ADARB2: variants seen among roughly 807,000 people sequenced by gnomAD.
ADARB2 encodes adenosine deaminase RNA specific B2 (inactive).
In ADARB2, 25 loss-of-function variants were observed where a neutral mutation model predicts 62.2. That is an observed-to-expected ratio of 0.40 (90% CI 0.29 to 0.56). The LOEUF (loss-of-function observed/expected upper bound fraction) is 0.56, where lower values mean the gene tolerates loss of function less well. Among genes scored for constraint, ADARB2 ranks in the 20% least tolerant of loss-of-function variants. The probability of loss-of-function intolerance (pLI) is 0.43; values close to 1 mark genes in which losing one functional copy is unlikely to be tolerated. For synonymous variants in ADARB2, 572 were observed against 500.8 expected, an observed-to-expected ratio of 1.14 and a Z score of -1.90; for missense variants, 1,071 against 1,077.4, an observed-to-expected ratio of 0.99 and a Z score of 0.08.
At chr10:1,350,398 C>G (rs1321700877) in intron 3 of ADARB2, among the ~76,000 whole-genome samples, 1 of 152,046 alleles carries the variant, frequency 6.6e-6, no homozygotes, top group Non-Finnish European at 1.5e-5. Flanking sequence ...GGCTGCTCCT[C>G]GCCAGACCGA....
chr10:1,307,315 A>C, intron 3 of ADARB2, among the ~76,000 whole-genome samples: 1 of 113,034 alleles, frequency 8.8e-6, no homozygotes, highest in Non-Finnish European at 2.0e-5. Flanking sequence ...TGCAGCCAAA[A>C]AACACATGAA....
chr10:1,718,730 C>A (rs1368309844), intron 1 of ADARB2, among the ~76,000 whole-genome samples: 4 of 152,002 alleles, frequency 2.6e-5, no homozygotes, highest in African/African-American at 9.7e-5. Context: ...AGAGGCCAGG[C>A]CCCCAGGTTG....
chr10:1,614,370 A>G (rs1452423855), intron 1 of ADARB2, among the ~76,000 whole-genome samples: 2 of 152,230 alleles, frequency 1.3e-5, no homozygotes, highest in Admixed American at 1.3e-4. Flanking sequence ...TGGCTACATC[A>G]GCCTGGGTTT....
intron 3 of ADARB2, among the ~76,000 whole-genome samples, chr10:1,295,236 G>A (rs894911416): frequency 1.3e-5 from 2 of 152,190 alleles, no homozygotes; most frequent in Non-Finnish European, 1.5e-5. Flanking sequence ...GTGTGAATGT[G>A]ACATGGGATG....
chr10:1,332,558 T>G (rs1367025342), intron 3 of ADARB2, among the ~76,000 whole-genome samples: 1 of 150,392 alleles, frequency 6.6e-6, no homozygotes, highest in Non-Finnish European at 1.5e-5. Context: ...GAATGGCATA[T>G]TTTTGATATT....
intron 1 of ADARB2, among the ~76,000 whole-genome samples, chr10:1,544,505 C>A (rs911963844): frequency 2.0e-5 from 3 of 152,158 alleles, no homozygotes; most frequent in African/African-American, 4.8e-5. Flanking sequence ...CCAGAGGACC[C>A]AGCCAGAGTC....
intron 1 of ADARB2, among the ~76,000 whole-genome samples, chr10:1,510,098 T>TCTTTCTCTCTTTCTC (rs1278546139): frequency 7.4e-5 from 9 of 121,248 alleles, no homozygotes; most frequent in Admixed American, 7.2e-4. Context: ...TCTCTCTCTT[T>TCTTTCTCTCTTTCTC]TCTTTCTTTC....
At chr10:1,377,510 GTGTT>G (rs1262724674) in intron 2 of ADARB2, among the ~76,000 whole-genome samples, 4 of 150,482 alleles carry the variant, frequency 2.7e-5, no homozygotes, top group South Asian at 2.1e-4. Flanking sequence ...CCTGGGGTGT[GTGTT>G]TGTGTGTGCT....
At chr10:1,295,393 T>C (rs1280075993) in intron 3 of ADARB2, among the ~76,000 whole-genome samples, 1 of 152,198 alleles carries the variant, frequency 6.6e-6, no homozygotes, top group Non-Finnish European at 1.5e-5. Flanking sequence ...AGTGGATTGC[T>C]GTGCACTTTT....
chr10:1,242,190 C>T lies in ADARB2; in HGVS notation c.1302G>A (p.Glu434=). Residue 434 remains glutamate (E), a synonymous_variant, in exon 5 of 10, where the codon GAG becomes GAA. Coordinates refer to ENST00000381312, the MANE Select transcript of ADARB2 (RefSeq NM_018702.4). ...QGLVVNDCHA[E]VVARRAFLHF... ...GCAGGAACGCCCGCCGGGCCACGAC[C>T]TCCGCGTGGCAGTCATTCACCACCA... 6.2e-7 allele frequency: 1 copy of T among 1,610,662 alleles called. No individual in the cohort carries two copies. Among genetic ancestry groups the T allele is most frequent in the Non-Finnish European group, 8.5e-7 (1 of 1,179,426 alleles).
intron 3 of ADARB2, among the ~76,000 whole-genome samples, chr10:1,293,726 A>G (rs190899088): frequency 1.1e-3 from 166 of 152,312 alleles, no homozygotes; most frequent in African/African-American, 3.8e-3. Context: ...TTGTTTTGCA[A>G]CTGACAAGGG....
At chr10:1,325,644 C>T (rs1279251954) in intron 3 of ADARB2, among the ~76,000 whole-genome samples, 5 of 152,288 alleles carry the variant, frequency 3.3e-5, no homozygotes, top group South Asian at 2.1e-4. Flanking sequence ...TTTCCAGCTC[C>T]GCCTTCCTCC....
In ADARB2 at chr10:1,177,636, G is replaced by A. The variant is rs958521707; in HGVS notation, c.*5557C>T. ...TAAACTGCAGAGAGATAGAAATCTA[G>A]GGCCTGTGTGAAAAGAGGCACTGGG... is the stretch of plus-strand genomic sequence containing the variant. On this transcript the variant is annotated 3_prime_UTR_variant, in exon 10 of 10. Transcript: ENST00000381312. The A allele has an allele frequency of 6.6e-6, 1 of 152,074 alleles. No homozygotes were observed. The highest frequency in any genetic ancestry group is 2.4e-5 in the African/African-American group (1 of 41,414). The allele number at this position is 152,074 out of a possible 1,614,324, so 9.4% of individuals were successfully genotyped here.
At chr10:1,232,070 T>C (rs1238433038) in intron 6 of ADARB2, among the ~76,000 whole-genome samples, 1 of 152,214 alleles carries the variant, frequency 6.6e-6, no homozygotes, top group Non-Finnish European at 1.5e-5. Context: ...AATAGCTGTG[T>C]GCTGTCCATG....
At chr10:1,258,394 G>T (rs190077922) in intron 4 of ADARB2, among the ~76,000 whole-genome samples, 1 of 152,196 alleles carries the variant, frequency 6.6e-6, no homozygotes, top group Admixed American at 6.5e-5. Flanking sequence ...ACCCATCAGT[G>T]TGCTGTATTC....
intron 1 of ADARB2, among the ~76,000 whole-genome samples, chr10:1,381,700 A>G (rs773798777): frequency 5.9e-5 from 9 of 152,206 alleles, no homozygotes; most frequent in Non-Finnish European, 1.2e-4. Flanking sequence ...GTGTGCATGA[A>G]ACTGGAGGAC....
chr10:1,720,920 A>T (rs1447966414), intron 1 of ADARB2, among the ~76,000 whole-genome samples: 2 of 152,220 alleles, frequency 1.3e-5, no homozygotes, highest in Admixed American at 1.3e-4. Context: ...GTTTTCAGAA[A>T]GCAAAGGCAC....
chr10:1,530,430 T>C (rs984134528), intron 1 of ADARB2, among the ~76,000 whole-genome samples: 25 of 152,146 alleles, frequency 1.6e-4, no homozygotes, highest in African/African-American at 6.0e-4. Context: ...TCCTCCTTTC[T>C]CCAGCCTGCC....
Position 1,194,548 on chromosome 10 carries a change from T to TCAG in ADARB2, c.1864+5415_1864+5417dup, listed in dbSNP as rs1836883620. Among the ~76,000 whole-genome samples, 4 of 152,364 alleles carry TCAG rather than the reference T, an allele frequency of 2.6e-5. No homozygotes were observed. In the South Asian group the frequency reaches 8.3e-4, roughly 32 times the overall value. ...TCTAATCTATCTATCTGTCTGTCTGTCAGTCTATCATCTATCTATTCATCC... is the reference window on the plus strand; with the variant it reads ...TCTAATCTATCTATCTGTCTGTCTGTCAGCAGTCTATCATCTATCTATTCATCC... On this transcript the variant is annotated intron_variant, in intron 8 of 9. Transcript: ENST00000381312.
Sources: allele counts gnomAD v4.1 joint callset (sites outside exome capture counted in the v4.1 genomes callset), GRCh38; gene constraint gnomAD v4.1.1; transcripts MANE v1.5; gene names NCBI Gene and HGNC (gene_info 2026-07-23, HGNC 2026-07-21).